SPOCK3: variants seen among roughly 807,000 people sequenced by gnomAD.
SPOCK3 encodes SPARC (osteonectin), cwcv and kazal like domains proteoglycan 3.
SPOCK3 carries 30 observed loss-of-function variants against 56.6 expected under a neutral mutation model. That is an observed-to-expected ratio of 0.53 (90% CI 0.40 to 0.72). SPOCK3 has a LOEUF of 0.72. Among genes scored for constraint, SPOCK3 ranks in the 30% least tolerant of loss-of-function variants. SPOCK3 has a pLI of 0.00. For missense variants in SPOCK3, 527 were observed against 530.0 expected (o/e 0.99, Z 0.06); for synonymous variants, 196 against 183.3 (o/e 1.07, Z -0.56).
intron 3 of SPOCK3, among the ~76,000 whole-genome samples, chr4:167,061,444 GA>G (rs965112228): frequency 6.6e-6 from 1 of 151,838 alleles, no homozygotes; most frequent in African/African-American, 2.4e-5. Flanking sequence ...AAATATATAA[GA>G]AAAAAGTTGT....
At position 167,088,677 on chromosome 4, in the gene SPOCK3, A is replaced by T. The variant is rs555303759; in HGVS notation, c.190-26140T>A. ...ATGGGATTTCACCTCCTTGGCCAGGATGGTCTCAATCTCTTGACTTCGTGA... is the reference window on the plus strand; with the variant it reads ...ATGGGATTTCACCTCCTTGGCCAGGTTGGTCTCAATCTCTTGACTTCGTGA... On this transcript the variant is annotated intron_variant, in intron 2 of 10. Coordinates refer to ENST00000357545, the MANE Select transcript of SPOCK3 (RefSeq NM_001040159.2). Among the ~76,000 whole-genome samples, 30 of 151,946 alleles carry T rather than the reference A, an allele frequency of 2.0e-4. No homozygotes were observed. In the South Asian group the frequency reaches 3.5e-3, roughly 18 times the overall value.
At chr4:166,766,638 T>C (rs1738104942) in intron 7 of SPOCK3, among the ~76,000 whole-genome samples, 1 of 152,144 alleles carries the variant, frequency 6.6e-6, no homozygotes, top group South Asian at 2.1e-4. Flanking sequence ...GCGATATTGG[T>C]CTAAAATTCT....
chr4:166,897,754 A>T (rs1295301132), intron 5 of SPOCK3, among the ~76,000 whole-genome samples: 1 of 152,202 alleles, frequency 6.6e-6, no homozygotes, highest in Non-Finnish European at 1.5e-5. Context: ...AACGATGATG[A>T]GATGCTGGCT....
intron 3 of SPOCK3, among the ~76,000 whole-genome samples, chr4:167,031,528 A>C (rs1213332727): frequency 6.6e-6 from 1 of 152,074 alleles, no homozygotes; most frequent in Non-Finnish European, 1.5e-5. Context: ...AAAAAGGCAC[A>C]CTGTTAAGTG....
At chr4:166,889,869 GAACA>G (rs1319246529) in intron 5 of SPOCK3, among the ~76,000 whole-genome samples, 23 of 151,840 alleles carry the variant, frequency 1.5e-4, no homozygotes, top group African/African-American at 2.4e-5. Context: ...TACACATAGA[GAACA>G]AACATATATA....
intron 2 of SPOCK3, among the ~76,000 whole-genome samples, chr4:167,163,826 T>A (rs1765527317): frequency 6.6e-6 from 1 of 152,144 alleles, no homozygotes; most frequent in Admixed American, 6.6e-5. Context: ...TGATTCAAGT[T>A]AGTATGATCC....
chr4:167,150,081 A>G (rs1764288878), intron 2 of SPOCK3, among the ~76,000 whole-genome samples: 1 of 151,986 alleles, frequency 6.6e-6, no homozygotes, highest in Admixed American at 6.6e-5. Flanking sequence ...AACTAATTTT[A>G]TTTTTCAAAG....
intron 2 of SPOCK3, among the ~76,000 whole-genome samples, chr4:167,192,880 G>T (rs1180704361): frequency 1.4e-5 from 2 of 145,478 alleles, no homozygotes; most frequent in African/African-American, 5.3e-5. Context: ...GGTATGTCTT[G>T]TTTAATTTCC....
chr4:166,902,005 G>T (rs1055055410), intron 5 of SPOCK3, among the ~76,000 whole-genome samples: 3 of 152,136 alleles, frequency 2.0e-5, no homozygotes, highest in Non-Finnish European at 2.9e-5. Context: ...TTTGGAGGCA[G>T]ATCTCCTGGG....
chr4:166,868,111 T>C (rs1732048655), intron 6 of SPOCK3, among the ~76,000 whole-genome samples: 1 of 151,954 alleles, frequency 6.6e-6, no homozygotes, highest in South Asian at 2.1e-4. Flanking sequence ...TTTTGTTGTT[T>C]CTTGCTACTC....
intron 9 of SPOCK3, among the ~76,000 whole-genome samples, chr4:166,740,321 C>G (rs1380017761): frequency 3.6e-5 from 4 of 110,878 alleles, no homozygotes. Context: ...GTAACTCTTC[C>G]CAAATGGGAA....
rs149680994 is a variant in SPOCK3, at chr4:167,011,199, A to C, written c.236-10736T>G. On this transcript the variant is annotated intron_variant, in intron 3 of 10. Coordinates refer to ENST00000357545, the MANE Select transcript of SPOCK3 (RefSeq NM_001040159.2). ...AATACAAATTGAGTAAAAAATACAA[A>C]AAAAAATGCGGGAAAAGCTTACCTG... is the stretch of plus-strand genomic sequence containing the variant. 10 of 446,232 alleles carry C rather than the reference A, an allele frequency of 2.2e-5. No homozygotes were observed. The East Asian group carries it at 7.0e-4, about 31-fold the overall frequency. The allele number at this position is 446,232 out of a possible 1,614,324, so 27.6% of individuals were successfully genotyped here.
intron 2 of SPOCK3, among the ~76,000 whole-genome samples, chr4:167,076,550 C>A (rs1194603619): frequency 6.6e-6 from 1 of 151,828 alleles, no homozygotes; most frequent in African/African-American, 2.4e-5. Flanking sequence ...ATTTACATCT[C>A]TAATTATAAT....
At chr4:167,063,959 G>A (rs547662764) in intron 2 of SPOCK3, among the ~76,000 whole-genome samples, 1 of 151,834 alleles carries the variant, frequency 6.6e-6, no homozygotes, top group Admixed American at 6.6e-5. Flanking sequence ...ATAGTGCTGT[G>A]ATAAACATAT....
At chr4:167,111,924 A>AT (rs919135331) in intron 2 of SPOCK3, among the ~76,000 whole-genome samples, 2 of 151,640 alleles carry the variant, frequency 1.3e-5, no homozygotes, top group African/African-American at 2.4e-5. Context: ...TGCCTGGCTG[A>AT]TTTTTTTCTA....
intron 6 of SPOCK3, among the ~76,000 whole-genome samples, chr4:166,850,600 C>T (rs1373203616): frequency 2.6e-5 from 4 of 152,198 alleles, no homozygotes; most frequent in Non-Finnish European, 5.9e-5. Flanking sequence ...GGGCAGGTCA[C>T]TGGGTGCGTG....
At chr4:166,824,334 G>C (rs763375927) in intron 6 of SPOCK3, among the ~76,000 whole-genome samples, 1 of 152,066 alleles carries the variant, frequency 6.6e-6, no homozygotes, top group African/African-American at 2.4e-5. Context: ...GGAACATTGA[G>C]TTACTGAAGC....
At chr4:167,143,660 A>G (rs1240114271) in intron 2 of SPOCK3, among the ~76,000 whole-genome samples, 3 of 151,924 alleles carry the variant, frequency 2.0e-5, no homozygotes, top group Non-Finnish European at 4.4e-5. Context: ...CTGGTTTATA[A>G]TAGCATCTTA....
intron 4 of SPOCK3, among the ~76,000 whole-genome samples, chr4:166,936,245 A>C (rs1038148974): frequency 5.6e-4 from 86 of 152,246 alleles, no homozygotes; most frequent in Admixed American, 1.8e-3. Flanking sequence ...GAATTTACAT[A>C]TGTATTCATA....
Sources: allele counts gnomAD v4.1 joint callset (sites outside exome capture counted in the v4.1 genomes callset), GRCh38; gene constraint gnomAD v4.1.1; transcripts MANE v1.5; gene names NCBI Gene and HGNC (gene_info 2026-07-23, HGNC 2026-07-21).